Variants in ELMO2 observed in about 807,000 individuals in gnomAD.
The protein encoded by ELMO2 is engulfment and cell motility 2.
In ELMO2, 37 loss-of-function variants were observed where a neutral mutation model predicts 96.2. The observed-to-expected ratio is 0.38, with a 90% CI of 0.30 to 0.51. ELMO2 has a LOEUF of 0.51. Among genes scored for constraint, ELMO2 ranks in the 20% least tolerant of loss-of-function variants. ELMO2 has a pLI of 0.88. For synonymous variants in ELMO2, 315 were observed against 329.4 expected, an observed-to-expected ratio of 0.96 and a Z score of 0.47; for missense variants, 561 against 912.6, an observed-to-expected ratio of 0.61 and a Z score of 4.96.
Position 46,370,485 on chromosome 20 carries a change from A to C in ELMO2, c.1842T>G (p.Asp614Glu), listed in dbSNP as rs773121104. The change falls in exon 20 of 22, where the codon GAT becomes GAG. Residue 614 changes from aspartate (D) to glutamate (E), a missense_variant. By Grantham distance (45) the Asp-to-Glu change is conservative (BLOSUM62 2). Coordinates refer to ENST00000290246, the MANE Select transcript of ELMO2 (RefSeq NM_133171.5). ...ADIKAIVTGK[D>E]CPHMKEKSAL... ...CACTTTTCTCTTTCATGTGGGGACA[A>C]TCTTTCCCAGTGACAATGGCCTTAA... 2 of 1,614,160 alleles carry C rather than the reference A, an allele frequency of 1.2e-6. No individual in the cohort carries two copies. Among genetic ancestry groups the C allele is most frequent in the Non-Finnish European group, 1.7e-6 (2 of 1,180,036 alleles).
chr20:46,375,148 G>T lies in ELMO2; in HGVS notation c.1065+88C>A. 6.6e-7 allele frequency: 1 copy of T among 1,512,240 alleles called. No individual in the cohort carries two copies. Among genetic ancestry groups the T allele is most frequent in the Non-Finnish European group, 8.9e-7 (1 of 1,125,328 alleles). The allele number at this position is 1,512,240 out of a possible 1,614,324, so 93.7% of individuals were successfully genotyped here. A position where few individuals can be genotyped will look rare whatever the true frequency, so the allele number is the denominator to read the frequency against. ...TCATCTATTCCAGGGCCACCATGGG[G>T]TTGGTTGTCAGAGCTCTGTCTGGGT... On this transcript the variant is annotated intron_variant, in intron 13 of 21. Transcript: ENST00000290246. The surrounding 1 kb of genome is among the most constrained non-coding windows in gnomAD (Gnocchi z 4.6).
At position 46,393,180 on chromosome 20, in the gene ELMO2, A is replaced by C. The variant is rs1265334035; in HGVS notation, c.193-37T>G. 3 of 1,599,344 alleles carry C rather than the reference A, an allele frequency of 1.9e-6. No individual in the cohort carries two copies. In the African/African-American group the frequency reaches 4.0e-5, roughly 21 times the overall value. ...AAAATAAACAAAAAAAGTAACTAAGATAAAATGTTAAAGTGGTACAAGCAA... is the reference window on the plus strand; with the variant it reads ...AAAATAAACAAAAAAAGTAACTAAGCTAAAATGTTAAAGTGGTACAAGCAA... On this transcript the variant is annotated intron_variant, in intron 5 of 21. Coordinates refer to ENST00000290246, the MANE Select transcript of ELMO2 (RefSeq NM_133171.5).
At chr20:46,372,223 A>G (rs2059734374) in intron 16 of ELMO2, among the ~76,000 whole-genome samples, 1 of 152,260 alleles carries the variant, frequency 6.6e-6, no homozygotes, top group East Asian at 1.9e-4. Flanking sequence ...TTTTGTAGTC[A>G]GAAAGAAATG....
At chr20:46,373,280 A>T in intron 16 of ELMO2, 119 bp downstream of exon 16, 1 of 1,393,042 alleles carries the variant, frequency 7.2e-7, no homozygotes, top group Non-Finnish European at 9.8e-7. Flanking sequence ...CTTGTGACTC[A>T]GTTCTGCAGA....
chr20:46,396,977 A>C (rs1197624126), intron 2 of ELMO2, among the ~76,000 whole-genome samples: 1 of 152,174 alleles, frequency 6.6e-6, no homozygotes, highest in Non-Finnish European at 1.5e-5. Flanking sequence ...CCCTTCCTTA[A>C]TTTCGATGGT....
chr20:46,389,005 G>C (rs757420178), intron 7 of ELMO2, 34 bp downstream of exon 7: 1 of 1,594,784 alleles, frequency 6.3e-7, no homozygotes, highest in Admixed American at 1.7e-5. Context: ...GTAAATCGTC[G>C]AAGTCCTTGG....
At chr20:46,394,005 A>G in intron 4 of ELMO2, 44 bp downstream of exon 4, 2 of 1,613,298 alleles carry the variant, frequency 1.2e-6, no homozygotes, top group South Asian at 1.1e-5. Flanking sequence ...GTGCTCTTTC[A>G]GTCGGAGCTG....
chr20:46,367,483 G>A lies in ELMO2; in HGVS notation c.2040C>T (p.Asp680=), dbSNP rs746752883. The part of the protein sequence containing the change: ...MSSELTKSDL[D]TLLSMEMKLR... The stretch of plus-strand genomic sequence containing the variant: ...GCTTCATCTCCATGCTCAGCAGGGT[G>A]TCCAGGTCACTCTTGGTCAGCTCAC... Residue 680 remains aspartate, a synonymous_variant, in exon 22 of 22, where the codon GAC becomes GAT. Coordinates refer to ENST00000290246, the MANE Select transcript of ELMO2 (RefSeq NM_133171.5). 6.2e-7 allele frequency: 1 copy of A among 1,613,820 alleles called. No homozygotes were observed. Among genetic ancestry groups the A allele is most frequent in the East Asian group, 2.2e-5 (1 of 44,848 alleles).
intron 21 of ELMO2, 118 bp downstream of exon 21, chr20:46,368,773 C>T: frequency 3.8e-6 from 4 of 1,042,718 alleles, no homozygotes; most frequent in Non-Finnish European, 5.7e-6. Context: ...CCTTCCTAGG[C>T]TTCAATATAC....
chr20:46,382,581 AAG>A (rs573789926), intron 10 of ELMO2, among the ~76,000 whole-genome samples: 279 of 152,348 alleles, frequency 1.8e-3, no homozygotes, highest in African/African-American at 6.1e-3. Context: ...ATTTTACAGA[AAG>A]AGAAACTGAG....
rs200693563 is a variant in ELMO2, at chr20:46,403,267, C to CTT, written c.-126+3280_-126+3281insAA. 9.5e-3 allele frequency among the ~76,000 whole-genome samples: 1,447 copies of CTT among 152,272 alleles called. 20 individuals are homozygous for CTT. Among genetic ancestry groups the CTT allele is most frequent in the African/African-American group, 0.033 (1,351 of 41,526 alleles). ...AAAGGCAAAGCATTTGTTGGTGTTCCACTATTATTATTACTATTTCCCAGT... is the reference window on the plus strand; with the variant it reads ...AAAGGCAAAGCATTTGTTGGTGTTCCTTACTATTATTATTACTATTTCCCAGT... On this transcript the variant is annotated intron_variant, in intron 1 of 21. Transcript: ENST00000290246.
At chr20:46,370,372 G>GA (rs1295680463) in intron 20 of ELMO2, 71 bp downstream of exon 20, 5 of 1,429,732 alleles carry the variant, frequency 3.5e-6, no homozygotes, top group Non-Finnish European at 4.0e-6. Flanking sequence ...AATGCACCTG[G>GA]AAAAAACCAC....
chr20:46,381,303 T>C (rs2145800377), intron 10 of ELMO2, among the ~76,000 whole-genome samples: 1 of 152,332 alleles, frequency 6.6e-6, no homozygotes, highest in Admixed American at 6.5e-5. Flanking sequence ...TTAATTACCA[T>C]GACTTCATTT....
intron 1 of ELMO2, among the ~76,000 whole-genome samples, chr20:46,404,019 G>A (rs893319825): frequency 2.6e-5 from 4 of 152,160 alleles, no homozygotes; most frequent in Admixed American, 2.0e-4. Flanking sequence ...GGGAGGTGGA[G>A]GTTGCAGTTA....
In ELMO2 at chr20:46,375,803, C is replaced by T; in HGVS notation, c.808-13G>A. Reference sequence around the variant, plus strand: ...CTCGGATCACATGCTAGAAAAAGCACAGGCAGGGAGCAGGGGACTGAACTG... The same window carrying T: ...CTCGGATCACATGCTAGAAAAAGCATAGGCAGGGAGCAGGGGACTGAACTG... On this transcript the variant is annotated splice_polypyrimidine_tract_variant and intron_variant, in intron 11 of 21. Transcript: ENST00000290246. This position sits in a 1 kb window ranked among gnomAD's most constrained non-coding sequence, Gnocchi z 4.6. 6.2e-7 allele frequency: 1 copy of T among 1,614,076 alleles called. No homozygotes were observed. Among genetic ancestry groups the T allele is most frequent in the Non-Finnish European group, 8.5e-7 (1 of 1,179,982 alleles).
intron 16 of ELMO2, chr20:46,372,946 A>C (rs1003065679): frequency 2.0e-5 from 3 of 153,330 alleles, no homozygotes; most frequent in African/African-American, 4.8e-5. Context: ...AGGGCCTGGC[A>C]CAACAGTGCT....
chr20:46,385,073 T>G (rs1018088989), intron 9 of ELMO2, among the ~76,000 whole-genome samples: 1 of 152,172 alleles, frequency 6.6e-6, no homozygotes, highest in Non-Finnish European at 1.5e-5. Flanking sequence ...AAAAACAAGT[T>G]GGGAGCATAG....
chr20:46,377,921 T>C (rs1032222218), intron 11 of ELMO2, among the ~76,000 whole-genome samples: 2 of 152,162 alleles, frequency 1.3e-5, no homozygotes, highest in Non-Finnish European at 2.9e-5. Flanking sequence ...CCATCGCCAC[T>C]TCTTTTCCCC....
intron 10 of ELMO2, 50 bp from the exon 11 acceptor site, chr20:46,380,353 G>T: frequency 2.7e-6 from 4 of 1,459,252 alleles, no homozygotes; most frequent in Non-Finnish European, 3.8e-6. Flanking sequence ...GCACACACCT[G>T]TGACTACTAT....
Sources: allele counts gnomAD v4.1 joint callset (sites outside exome capture counted in the v4.1 genomes callset), GRCh38; gene constraint gnomAD v4.1.1; non-coding constraint Gnocchi (gnomAD v3.1); transcripts MANE v1.5; gene names NCBI Gene and HGNC (gene_info 2026-07-23, HGNC 2026-07-21).